The following TECPR1 variants were observed in gnomAD, a reference collection of about 807,000 sequenced individuals.
The protein encoded by TECPR1 is tectonin beta-propeller repeat-containing protein 1.
TECPR1 carries 122 observed loss-of-function variants against 162.4 expected under a neutral mutation model. The ratio of observed to expected loss-of-function variants is 0.75; its 90% CI spans 0.65 to 0.87. The LOEUF is 0.87. Among genes scored for constraint, TECPR1 ranks in the 40% least tolerant of loss-of-function variants. The probability of loss-of-function intolerance (pLI) is 0.00; values close to 1 mark genes in which losing one functional copy is unlikely to be tolerated. For synonymous variants in TECPR1, 642 were observed against 670.6 expected (o/e 0.96, Z 0.66); for missense variants, 1,432 against 1,618.2 (o/e 0.88, Z 1.97).
At position 98,233,857 on chromosome 7, in the gene TECPR1, G is replaced by T; in HGVS notation, c.1236C>A (p.Ser412Arg). The T allele has an allele frequency of 6.4e-7, 1 of 1,564,302 alleles. No homozygotes were observed. The highest frequency in any genetic ancestry group is 1.4e-5 in the African/African-American group (1 of 73,850). The change falls in exon 11 of 26, where the codon AGC becomes AGA. Residue 412 changes from serine (S) to arginine (R), a missense_variant. Ser to Arg is a moderately radical substitution (Grantham distance 110). Coordinates refer to ENST00000447648, the MANE Select transcript of TECPR1 (RefSeq NM_015395.3). ...CGACTTCCGAGGAGGCATCGGTGTC[G>T]CTGGGGGCAGACTCGCCACTACCCC... ...EVRGSGESAP[S>R]DTDASSEVER...
rs949192309 is a variant in TECPR1 at position 98,241,530 on chromosome 7, G to C, written c.658-286C>G. ...GGCATGTGGGTCTCCGGCCACTCTG[G>C]CCAGCCCGTGTGTCCCATGCCCCCT... On this transcript the variant is annotated intron_variant, in intron 6 of 25. Transcript: ENST00000447648. The surrounding 1 kb of genome is among the most constrained non-coding windows in gnomAD (Gnocchi z 5.0). Among the ~76,000 whole-genome samples, 1 of 152,122 alleles carries C rather than the reference G, an allele frequency of 6.6e-6. No individual in the cohort carries two copies. Among genetic ancestry groups the C allele is most frequent in the African/African-American group, 2.4e-5 (1 of 41,418 alleles).
intron 21 of TECPR1, chr7:98,222,730 G>A (rs905255451): frequency 8.8e-6 from 7 of 795,416 alleles, no homozygotes; most frequent in South Asian, 1.7e-5. Flanking sequence ...AAGCGCCCCC[G>A]TGGGCGTGTG....
intron 8 of TECPR1, among the ~76,000 whole-genome samples, chr7:98,239,196 C>T (rs2116604119): frequency 6.6e-6 from 1 of 152,336 alleles, no homozygotes; most frequent in South Asian, 2.1e-4. Flanking sequence ...TATACATTCT[C>T]CATGGTGGCC....
rs201272341 is a variant in TECPR1 at position 98,233,856 on chromosome 7, C to T, written c.1237G>A (p.Asp413Asn). ...VRGSGESAPS[D>N]TDASSEVERP... ...TCGACTTCCGAGGAGGCATCGGTGT[C>T]GCTGGGGGCAGACTCGCCACTACCC... is the stretch of plus-strand genomic sequence containing the variant. Residue 413 changes from aspartate to asparagine, a missense_variant, in exon 11 of 26, where the codon GAC becomes AAC. Transcript: ENST00000447648. 9.6e-6 allele frequency: 15 copies of T among 1,566,726 alleles called. No individual in the cohort carries two copies. Among genetic ancestry groups the T allele is most frequent in the East Asian group, 2.4e-5 (1 of 42,224 alleles).
intron 22 of TECPR1, among the ~76,000 whole-genome samples, 200 bp downstream of exon 22, chr7:98,222,186 C>A (rs1210434317): frequency 6.6e-6 from 1 of 152,198 alleles, no homozygotes; most frequent in Admixed American, 6.5e-5. Flanking sequence ...GGGGCCACCC[C>A]AGGAAGGGCC....
chr7:98,236,558 G>T (rs1331559276), intron 10 of TECPR1, among the ~76,000 whole-genome samples: 1 of 151,520 alleles, frequency 6.6e-6, no homozygotes, highest in Non-Finnish European at 1.5e-5. Flanking sequence ...AACACCTCCA[G>T]TGGCCACCCC....
At chr7:98,249,686 A>G (rs1799009864) in intron 2 of TECPR1, among the ~76,000 whole-genome samples, 1 of 152,224 alleles carries the variant, frequency 6.6e-6, no homozygotes. Context: ...GTGGTGGCTC[A>G]TGCCTGTAAT....
Position 98,215,489 on chromosome 7 carries a change from C to G in TECPR1, c.*1901G>C. The G allele has an allele frequency of 6.6e-6, 1 of 152,322 alleles. No homozygotes were observed. Among genetic ancestry groups the G allele is most frequent in the East Asian group, 1.9e-4 (1 of 5,188 alleles). 9.4% of individuals were successfully genotyped at this position (152,322 alleles called of 1,614,324 possible). On this transcript the variant is annotated 3_prime_UTR_variant, in exon 26 of 26. Transcript: ENST00000447648. ...GAACCACGCGTTTTAATCAACGTAT[C>G]GATAAAAAACACCAGGGCACGGACA...
chr7:98,244,625 C>A lies in TECPR1; in HGVS notation c.477G>T (p.Arg159=). The A allele has an allele frequency of 2.5e-6, 4 of 1,613,102 alleles. No individual in the cohort carries two copies. Among genetic ancestry groups the A allele is most frequent in the Non-Finnish European group, 2.5e-6 (3 of 1,179,650 alleles). Residue 159 remains arginine (R), a synonymous_variant, in exon 5 of 26, where the codon CGG becomes CGT. Coordinates refer to ENST00000447648, the MANE Select transcript of TECPR1 (RefSeq NM_015395.3). ...TKDKKWNSCV[R]RRKWIRYRRY... ...TCCTGTACCGGATCCACTTCCGGCG[C>A]CGCACACAAGAATTCCACTTCTTGT...
rs1336850303 is a variant in TECPR1 at position 98,243,559 on chromosome 7, C to T, written c.565G>A (p.Asp189Asn). ...CCTACAGAGAGGTCGTTGAAGGGGTCGGGCAGCTCCTTGGGGTCATCCTTC... is the reference window on the plus strand; with the variant it reads ...CCTACAGAGAGGTCGTTGAAGGGGTTGGGCAGCTCCTTGGGGTCATCCTTC... ...PSKDDPKELP[D>N]PFNDLSVGGW... is the part of the protein sequence containing the mutation. The change falls in exon 6 of 26, where the codon GAC becomes AAC. Residue 189 changes from aspartate to asparagine, a missense_variant. Transcript: ENST00000447648. The T allele has an allele frequency of 9.9e-6, 16 of 1,612,392 alleles. No homozygotes were observed. Among genetic ancestry groups the T allele is most frequent in the South Asian group, 4.4e-5 (4 of 91,084 alleles).
Position 98,217,959 on chromosome 7 carries a change from C to T in TECPR1, c.3241G>A (p.Val1081Met). The part of the protein sequence containing the change: ...WEHVSNNVCR[V>M]SVGPLDQVWV... ...ACCTGGTCCAGGGGCCCCACGGACA[C>T]TCGGCACACGTTGTTGGACACGTGC... Residue 1081 changes from valine (V) to methionine (M), a missense_variant, in exon 24 of 26, where the codon GTG (valine) becomes ATG (methionine). By Grantham distance (21) the Val-to-Met change is conservative. Coordinates refer to ENST00000447648, the MANE Select transcript of TECPR1 (RefSeq NM_015395.3). 4 of 1,558,338 alleles carry T rather than the reference C, an allele frequency of 2.6e-6. No individual in the cohort carries two copies. The highest frequency in any genetic ancestry group is 2.6e-6 in the Non-Finnish European group (3 of 1,151,350).
chr7:98,236,730 G>A (rs748185193), intron 10 of TECPR1, 46 bp downstream of exon 10: 41 of 1,570,080 alleles, frequency 2.6e-5, no homozygotes, highest in Admixed American at 1.1e-4. Flanking sequence ...AGGCTCAGAC[G>A]GCCCATCCCA....
At chr7:98,227,915 C>G (rs1355790749) in intron 17 of TECPR1, 99 bp downstream of exon 17, 3 of 904,996 alleles carry the variant, frequency 3.3e-6, no homozygotes, top group Non-Finnish European at 5.2e-6. Context: ...ACACCAGGCT[C>G]TACTGGACTC....
chr7:98,224,980 C>T (rs1163188334), intron 18 of TECPR1, 26 bp downstream of exon 18: 18 of 1,539,228 alleles, frequency 1.2e-5, no homozygotes, highest in South Asian at 2.4e-5. Flanking sequence ...GGATTCCCAA[C>T]CCCCCAGGGG....
At chr7:98,233,215 C>T (rs946202098) in intron 11 of TECPR1, 18 of 814,702 alleles carry the variant, frequency 2.2e-5, no homozygotes, top group African/African-American at 5.2e-5. Flanking sequence ...CACTGGCCAC[C>T]GTGCTTCCAG....
intron 23 of TECPR1, 36 bp downstream of exon 23, chr7:98,221,625 C>A: frequency 6.3e-7 from 1 of 1,598,494 alleles, no homozygotes; most frequent in Non-Finnish European, 8.6e-7. Context: ...CCATGCCCAG[C>A]CAAAACATTA....
Position 98,224,874 on chromosome 7 carries a change from C to G in TECPR1, c.2617G>C (p.Asp873His), listed in dbSNP as rs767020833. ...PPSLQWAWVS[D>H]WFVDFSVPGG... ...GGAACGCTGAAATCCACGAACCAGT[C>G]GGAAACCTGGGAGGAGTGGGTCAGT... is the stretch of plus-strand genomic sequence containing the variant. Residue 873 changes from aspartate (D) to histidine (H), a missense_variant, in exon 19 of 26, where the codon GAC (aspartate) becomes CAC (histidine). Transcript: ENST00000447648. 2 of 1,562,520 alleles carry G rather than the reference C, an allele frequency of 1.3e-6. No individual in the cohort carries two copies. Among genetic ancestry groups the G allele is most frequent in the Non-Finnish European group, 1.7e-6 (2 of 1,153,756 alleles).
rs1480305738 is a variant in TECPR1 at position 98,231,302 on chromosome 7, G to T, written c.2046C>A (p.Ala682=). Residue 682 remains alanine (A), a synonymous_variant, in exon 14 of 26, where the codon GCC becomes GCA. Transcript: ENST00000447648. ...GCCGTGTCCGCTCAGGGGTGTACAG[G>T]GCAAAGGAGTGCTTGGTCTCGTTCA... is the stretch of plus-strand genomic sequence containing the variant. ...PVLNETKHSF[A]LYTPERTRQR... is the part of the protein sequence containing the mutation. The T allele has an allele frequency of 6.2e-7, 1 of 1,612,660 alleles. No individual in the cohort carries two copies. Among genetic ancestry groups the T allele is most frequent in the South Asian group, 1.1e-5 (1 of 90,838 alleles).
In TECPR1 at chr7:98,235,793, G is replaced by A. The variant is rs554024884; in HGVS notation, c.1181+983C>T. Among the ~76,000 whole-genome samples the A allele has an allele frequency of 3.2e-3, 460 of 141,976 alleles. 4 individuals are homozygous for A. The highest frequency in any genetic ancestry group is 0.012 in the African/African-American group (436 of 37,780). The allele number at this position is 141,976 out of a possible 152,430, so 93.1% of individuals were successfully genotyped here. A position where few individuals can be genotyped will look rare whatever the true frequency, so the allele number is the denominator to read the frequency against. On this transcript the variant is annotated intron_variant, in intron 10 of 25. Coordinates refer to ENST00000447648, the MANE Select transcript of TECPR1 (RefSeq NM_015395.3). ...TGCAGTGAGCCATGATCACACCACT[G>A]CACTCCAGCCTGGATGACAGAGTGA... is the stretch of plus-strand genomic sequence containing the variant.
Sources: gnomAD v4.1 joint callset for allele counts (sites outside exome capture counted in the v4.1 genomes callset) on GRCh38, gnomAD v4.1.1 for gene constraint, Gnocchi (gnomAD v3.1) non-coding constraint, MANE v1.5 for transcripts, NCBI Gene and HGNC (gene_info 2026-07-23, HGNC 2026-07-21) for gene names.